The following CNTFR variants were observed in gnomAD, a reference collection of about 807,000 sequenced individuals.
CNTFR encodes ciliary neurotrophic factor receptor subunit alpha.
Under a neutral mutation model 40.4 loss-of-function variants are expected in CNTFR, and 12 were observed. That is an observed-to-expected ratio of 0.30 (90% CI 0.19 to 0.48). The LOEUF (loss-of-function observed/expected upper bound fraction) is 0.48, where lower values mean the gene tolerates loss of function less well. Among genes scored for constraint, CNTFR ranks in the 20% least tolerant of loss-of-function variants. The probability of loss-of-function intolerance (pLI) is 0.99; values close to 1 mark genes in which losing one functional copy is unlikely to be tolerated. For synonymous variants in CNTFR, 202 were observed against 209.6 expected, an observed-to-expected ratio of 0.96 and a Z score of 0.31; for missense variants, 414 against 506.8, an observed-to-expected ratio of 0.82 and a Z score of 1.76.
intron 2 of CNTFR, among the ~76,000 whole-genome samples, chr9:34,572,191 G>C (rs956164532): frequency 6.6e-6 from 1 of 151,866 alleles, no homozygotes; most frequent in African/African-American, 2.4e-5. Flanking sequence ...TGCCCCTGCA[G>C]ATCCAGAAAG....
intron 2 of CNTFR, among the ~76,000 whole-genome samples, chr9:34,577,967 G>T (rs1827075303): frequency 6.6e-6 from 1 of 151,238 alleles, no homozygotes; most frequent in Non-Finnish European, 1.5e-5. Context: ...GGGCGGGGGC[G>T]TCGCGGCGGC....
chr9:34,570,478 G>A (rs894837828), intron 2 of CNTFR, among the ~76,000 whole-genome samples: 8 of 152,196 alleles, frequency 5.3e-5, no homozygotes, highest in Non-Finnish European at 1.0e-4. Flanking sequence ...GTCAGAAACA[G>A]TGCCAGAGAA....
intron 2 of CNTFR, among the ~76,000 whole-genome samples, chr9:34,578,646 T>G (rs7864891): frequency 0.018 from 2,682 of 152,308 alleles, 91 homozygotes; most frequent in African/African-American, 0.06. Flanking sequence ...TTTCCCACAT[T>G]TTTTAGGGCA....
At position 34,568,999 on chromosome 9, in the gene CNTFR, G is replaced by C; in HGVS notation, c.1-18C>G. ...GCAGCCATCTGTTGGGAGAAACCGG[G>C]GTGGGGGAGGGGTCAGCATCAGCCC... On this transcript the variant is annotated intron_variant, in intron 2 of 9. Coordinates refer to ENST00000378980, the MANE Select transcript of CNTFR (RefSeq NM_147164.3). 1 of 1,572,552 alleles carries C rather than the reference G, an allele frequency of 6.4e-7. No individual in the cohort carries two copies. Among genetic ancestry groups the C allele is most frequent in the East Asian group, 2.4e-5 (1 of 42,528 alleles).
intron 1 of CNTFR, among the ~76,000 whole-genome samples, chr9:34,583,230 T>C (rs1564076493): frequency 6.6e-6 from 1 of 152,140 alleles, no homozygotes; most frequent in Non-Finnish European, 1.5e-5. Context: ...GGGATACCCA[T>C]CTCCCTATCT....
chr9:34,588,995 C>A (rs1329631525), intron 1 of CNTFR, among the ~76,000 whole-genome samples: 1 of 152,212 alleles, frequency 6.6e-6, no homozygotes, highest in Non-Finnish European at 1.5e-5. Context: ...AGACCCACTA[C>A]ATGGAGATAC....
intron 4 of CNTFR, among the ~76,000 whole-genome samples, chr9:34,560,737 GGGGGCTCT>G (rs1564061278): frequency 6.6e-6 from 1 of 152,274 alleles, no homozygotes; most frequent in African/African-American, 2.4e-5. Flanking sequence ...TGCCCCTTGT[GGGGGCTCT>G]TGAGACACCC....
At position 34,557,427 on chromosome 9, in the gene CNTFR, G is replaced by A. The variant is rs1825892841; in HGVS notation, c.604+99C>T. ...CTGTGCAGAGGCATGTACATGCCATGTATACATGTGCATGCATGTGGACAT... is the reference window on the plus strand; with the variant it reads ...CTGTGCAGAGGCATGTACATGCCATATATACATGTGCATGCATGTGGACAT... On this transcript the variant is annotated intron_variant, in intron 6 of 9. Coordinates refer to ENST00000378980, the MANE Select transcript of CNTFR (RefSeq NM_147164.3). The surrounding 1 kb of genome is among the most constrained non-coding windows in gnomAD (Gnocchi z 4.2). 7.5e-7 allele frequency: 1 copy of A among 1,340,452 alleles called. No individual in the cohort carries two copies. The highest frequency in any genetic ancestry group is 1.3e-5 in the South Asian group (1 of 74,226). 83.0% of individuals were successfully genotyped at this position (1,340,452 alleles called of 1,614,324 possible). A position where few individuals can be genotyped will look rare whatever the true frequency, so the allele number is the denominator to read the frequency against.
intron 2 of CNTFR, among the ~76,000 whole-genome samples, chr9:34,578,308 G>A (rs928560010): frequency 6.6e-6 from 1 of 152,254 alleles, no homozygotes; most frequent in African/African-American, 2.4e-5. Context: ...GAGGGAGAGT[G>A]AGGGACGGCA....
chr9:34,559,774 A>G (rs1372356746), intron 4 of CNTFR, among the ~76,000 whole-genome samples: 2 of 151,830 alleles, frequency 1.3e-5, no homozygotes, highest in Non-Finnish European at 2.9e-5. Flanking sequence ...TGGGGTGGGG[A>G]TCGGAGTGTG....
intron 3 of CNTFR, among the ~76,000 whole-genome samples, chr9:34,566,974 G>T (rs1399690888): frequency 1.3e-5 from 2 of 152,194 alleles, no homozygotes; most frequent in African/African-American, 4.8e-5. Flanking sequence ...GGCCACAGTG[G>T]AGAGGTGGAG....
intron 2 of CNTFR, among the ~76,000 whole-genome samples, chr9:34,574,667 G>T (rs1354574681): frequency 6.6e-6 from 1 of 152,250 alleles, no homozygotes; most frequent in Non-Finnish European, 1.5e-5. Context: ...AGTGAGTTGG[G>T]GGGGTTGGTA....
chr9:34,556,169 G>T, intron 7 of CNTFR, 86 bp downstream of exon 7: 3 of 1,436,912 alleles, frequency 2.1e-6, no homozygotes, highest in Non-Finnish European at 2.9e-6. Flanking sequence ...TCACACTGGA[G>T]CTGCTGCCAC....
At position 34,551,906 on chromosome 9, in the gene CNTFR, G is replaced by A; in HGVS notation, c.*165C>T. 2.8e-6 allele frequency: 2 copies of A among 706,440 alleles called. No homozygotes were observed. Among genetic ancestry groups the A allele is most frequent in the South Asian group, 1.5e-5 (1 of 66,540 alleles). 43.8% of individuals were successfully genotyped at this position (706,440 alleles called of 1,614,324 possible). On this transcript the variant is annotated 3_prime_UTR_variant, in exon 10 of 10. Coordinates refer to ENST00000378980, the MANE Select transcript of CNTFR (RefSeq NM_147164.3). ...AGGGCCAGCTTGGTGCGGCAGGGCT[G>A]GGGGGCGGCAGGCCCGGGCCCGCCG...
At chr9:34,559,618 G>T (rs917247135) in intron 4 of CNTFR, among the ~76,000 whole-genome samples, 4 of 152,260 alleles carry the variant, frequency 2.6e-5, no homozygotes, top group Non-Finnish European at 5.9e-5. Context: ...CTCTGCCTGG[G>T]GGTGGGGTGG....
intron 4 of CNTFR, among the ~76,000 whole-genome samples, chr9:34,560,649 T>C (rs1301825905): frequency 6.6e-6 from 1 of 152,212 alleles, no homozygotes; most frequent in Non-Finnish European, 1.5e-5. Context: ...TGAGTGCATG[T>C]TAAAGAGAGT....
At chr9:34,578,234 GC>G (rs1006840059) in intron 2 of CNTFR, among the ~76,000 whole-genome samples, 1 of 152,242 alleles carries the variant, frequency 6.6e-6, no homozygotes, top group African/African-American at 2.4e-5. Context: ...GGGCAAGCGG[GC>G]CGGGAGGAGG....
In CNTFR at chr9:34,589,620, G is replaced by A. The variant is rs2132280087; in HGVS notation, c.-177C>T. ...ACCGCCCCCGGCAGCGAGCGAGGCA[G>A]GGAGCGCGGAGCTAGCACCGCCCGC... On this transcript the variant is annotated 5_prime_UTR_variant, in exon 1 of 10. Coordinates refer to ENST00000378980, the MANE Select transcript of CNTFR (RefSeq NM_147164.3). This position sits in a 1 kb window ranked among gnomAD's most constrained non-coding sequence, Gnocchi z 4.4. 1 of 151,812 alleles carries A rather than the reference G, an allele frequency of 6.6e-6. No individual in the cohort carries two copies. Among genetic ancestry groups the A allele is most frequent in the African/African-American group, 2.4e-5 (1 of 41,274 alleles). The allele number at this position is 151,812 out of a possible 1,614,324, so 9.4% of individuals were successfully genotyped here.
At position 34,557,572 on chromosome 9, in the gene CNTFR, G is replaced by C. The variant is rs747487719; in HGVS notation, c.558C>G (p.Ala186=). 6.2e-7 allele frequency: 1 copy of C among 1,614,172 alleles called. No individual in the cohort carries two copies. The highest frequency in any genetic ancestry group is 1.1e-5 in the South Asian group (1 of 91,078). Residue 186 remains alanine, a synonymous_variant, in exon 6 of 10, where the codon GCC becomes GCG. Transcript: ENST00000378980. This position sits in a 1 kb window ranked among gnomAD's most constrained non-coding sequence, Gnocchi z 4.2. ...KYKVSISVSN[A]LGHNATAITF... ...TGATAGCTGTGGCATTGTGGCCCAG[G>C]GCATTGCTGACACTTATGGAGACCT...
Sources: gnomAD v4.1 joint callset for allele counts (sites outside exome capture counted in the v4.1 genomes callset) on GRCh38, gnomAD v4.1.1 for gene constraint, Gnocchi (gnomAD v3.1) non-coding constraint, MANE v1.5 for transcripts, NCBI Gene and HGNC (gene_info 2026-07-23, HGNC 2026-07-21) for gene names.